Variants in ALK observed in about 807,000 individuals in gnomAD.
The protein encoded by ALK is ALK receptor tyrosine kinase.
ALK carries 74 observed loss-of-function variants against 163.1 expected under a neutral mutation model. The observed-to-expected ratio is 0.45, with a 90% CI of 0.38 to 0.55. ALK has a LOEUF of 0.55. ALK is among the 20% of genes least tolerant of loss of function. The pLI is 0.00. For synonymous variants in ALK, 960 were observed against 843.2 expected (o/e 1.14, Z -2.40); for missense variants, 2,063 against 2,105.3 (o/e 0.98, Z 0.39).
chr2:29,487,368 C>T (rs1037694699), intron 4 of ALK, among the ~76,000 whole-genome samples: 3 of 152,156 alleles, frequency 2.0e-5, no homozygotes, highest in Non-Finnish European at 2.9e-5. Context: ...TCTGTGGCCA[C>T]AGAGCTGAGG....
chr2:29,297,115 G>A (rs1666211090), intron 8 of ALK, 58 bp from the exon 9 acceptor site: 1 of 1,607,650 alleles, frequency 6.2e-7, no homozygotes, highest in African/African-American at 1.3e-5. Flanking sequence ...TCCCCTTTCT[G>A]GAATTCTCCA....
intron 1 of ALK, among the ~76,000 whole-genome samples, chr2:29,908,205 C>G (rs556683404): frequency 2.0e-5 from 3 of 152,232 alleles, no homozygotes; most frequent in Middle Eastern, 6.8e-3. Context: ...CACAAAAAGC[C>G]AGGCTAACCT....
chr2:29,666,414 G>A (rs1329725593), intron 3 of ALK, among the ~76,000 whole-genome samples: 1 of 151,962 alleles, frequency 6.6e-6, no homozygotes, highest in African/African-American at 2.4e-5. Flanking sequence ...AATAAGAAAG[G>A]AGCTCCCAGA....
chr2:29,839,460 C>T (rs1665646438), intron 1 of ALK, among the ~76,000 whole-genome samples: 2 of 152,146 alleles, frequency 1.3e-5, no homozygotes, highest in South Asian at 4.1e-4. Flanking sequence ...CCTTCCAATT[C>T]AGACCAGCAA....
At chr2:29,350,110 C>T (rs2148278583) in intron 5 of ALK, among the ~76,000 whole-genome samples, 1 of 152,326 alleles carries the variant, frequency 6.6e-6, no homozygotes, top group Middle Eastern at 3.4e-3. Flanking sequence ...CCAAGTCTTA[C>T]TTTATGTATG....
intron 1 of ALK, among the ~76,000 whole-genome samples, chr2:29,811,704 G>A (rs959285817): frequency 1.3e-5 from 2 of 152,326 alleles, no homozygotes; most frequent in Non-Finnish European, 2.9e-5. Flanking sequence ...AGATTGCACT[G>A]TAGGATCTGT....
intron 8 of ALK, among the ~76,000 whole-genome samples, chr2:29,310,019 T>A (rs759685676): frequency 1.3e-5 from 2 of 152,248 alleles, no homozygotes. Flanking sequence ...CACATTTTCC[T>A]CTGATCCTGG....
At chr2:29,207,735 C>G (rs559410082) in intron 25 of ALK, among the ~76,000 whole-genome samples, 4 of 152,362 alleles carry the variant, frequency 2.6e-5, no homozygotes, top group Admixed American at 2.6e-4. Flanking sequence ...TATAGGCAAT[C>G]AACCAGTAAT....
chr2:29,477,002 G>A (rs1230855514), intron 4 of ALK, among the ~76,000 whole-genome samples: 13 of 152,174 alleles, frequency 8.5e-5, no homozygotes, highest in African/African-American at 2.7e-4. Flanking sequence ...ACCACACAGA[G>A]TTGATGCGAA....
chr2:29,360,902 T>C (rs910406346), intron 5 of ALK, among the ~76,000 whole-genome samples: 1 of 152,234 alleles, frequency 6.6e-6, no homozygotes, highest in Admixed American at 6.5e-5. Context: ...TCTCTAAATC[T>C]TCACTTTGGA....
chr2:29,913,478 T>C (rs1460815747), intron 1 of ALK, among the ~76,000 whole-genome samples: 2 of 152,182 alleles, frequency 1.3e-5, no homozygotes, highest in African/African-American at 4.8e-5. Flanking sequence ...GGCCACACCC[T>C]AGACCACAGA....
intron 4 of ALK, among the ~76,000 whole-genome samples, chr2:29,523,121 G>C (rs975511708): frequency 6.6e-6 from 1 of 152,132 alleles, no homozygotes. Flanking sequence ...GGAACCCCGG[G>C]CAGGAGGGGG....
chr2:29,358,881 A>G (rs1302418220), intron 5 of ALK, among the ~76,000 whole-genome samples: 1 of 152,172 alleles, frequency 6.6e-6, no homozygotes, highest in Non-Finnish European at 1.5e-5. Context: ...AGGACCAACA[A>G]TTCCCTATTA....
At chr2:29,303,429 T>C (rs1666424185) in intron 8 of ALK, among the ~76,000 whole-genome samples, 1 of 152,222 alleles carries the variant, frequency 6.6e-6, no homozygotes, top group Non-Finnish European at 1.5e-5. Flanking sequence ...TACACACTGT[T>C]GGTTGGAATG....
At chr2:29,741,269 C>T (rs906741678) in intron 1 of ALK, among the ~76,000 whole-genome samples, 8 of 152,110 alleles carry the variant, frequency 5.3e-5, no homozygotes, top group African/African-American at 9.7e-5. Context: ...GATACTATAA[C>T]GGTGAGTGCC....
At position 29,485,311 on chromosome 2, in the gene ALK, A is replaced by G. The variant is rs181416949; in HGVS notation, c.1154+46604T>C. Among the ~76,000 whole-genome samples, 338 of 152,306 alleles carry G rather than the reference A, an allele frequency of 2.2e-3. 3 individuals are homozygous for G. The highest frequency in any genetic ancestry group is 7.7e-3 in the African/African-American group (318 of 41,562). ...ACAAGACCATCCCAGAGTTCATCTT[A>G]TCTGCTGAGCTGACACTTTAAGACT... is the stretch of plus-strand genomic sequence containing the variant. On this transcript the variant is annotated intron_variant, in intron 4 of 28. Coordinates refer to ENST00000389048, the MANE Select transcript of ALK (RefSeq NM_004304.5).
At chr2:29,517,363 T>C (rs1482577602) in intron 4 of ALK, among the ~76,000 whole-genome samples, 2 of 152,122 alleles carry the variant, frequency 1.3e-5, no homozygotes, top group African/African-American at 4.8e-5. Context: ...TAGTGGGTCA[T>C]TATATCTCTG....
intron 3 of ALK, among the ~76,000 whole-genome samples, chr2:29,686,571 G>C (rs2148283021): frequency 6.6e-6 from 1 of 152,324 alleles, no homozygotes; most frequent in East Asian, 1.9e-4. Context: ...AAGACCCAGA[G>C]AGGTAAAGTG....
Position 29,807,629 on chromosome 2 carries a change from G to C in ALK, c.668-89932C>G, listed in dbSNP as rs1572395536. Among the ~76,000 whole-genome samples the C allele has an allele frequency of 3.3e-5, 5 of 152,328 alleles. No homozygotes were observed. In the South Asian group the frequency reaches 1.0e-3, roughly 32 times the overall value. On this transcript the variant is annotated intron_variant, in intron 1 of 28. Transcript: ENST00000389048. ...TCAAATAAATGCCAGCTTCATACAA[G>C]CCAGTAAGCAAGTAGTACCAGTGAA...
Sources: allele counts gnomAD v4.1 joint callset (sites outside exome capture counted in the v4.1 genomes callset), GRCh38; gene constraint gnomAD v4.1.1; transcripts MANE v1.5; gene names NCBI Gene and HGNC (gene_info 2026-07-23, HGNC 2026-07-21).